Variants in MAP6 observed in about 807,000 individuals in gnomAD.
MAP6 encodes microtubule associated protein 6.
In MAP6, 26 loss-of-function variants were observed where a neutral mutation model predicts 42.4. The ratio of observed to expected loss-of-function variants is 0.61; its 90% CI spans 0.45 to 0.85. MAP6 has a LOEUF of 0.85. MAP6 is among the 40% of genes least tolerant of loss of function. The pLI is 0.00. For synonymous variants in MAP6, 418 were observed against 443.8 expected (o/e 0.94, Z 0.73); for missense variants, 966 against 1,099.0 (o/e 0.88, Z 1.71).
intron 1 of MAP6, among the ~76,000 whole-genome samples, chr11:75,643,230 A>G (rs532323306): frequency 1.8e-4 from 27 of 150,514 alleles, no homozygotes; most frequent in African/African-American, 6.1e-4. Flanking sequence ...ATATATATAT[A>G]TATAAATATA....
At chr11:75,608,428 C>T in intron 1 of MAP6, 106 bp from the exon 2 acceptor site, 1 of 846,484 alleles carries the variant, frequency 1.2e-6, no homozygotes, top group Non-Finnish European at 1.9e-6. Flanking sequence ...GTGCTTGCAG[C>T]ATTGACTGAA....
chr11:75,662,879 T>A (rs977830494), intron 1 of MAP6, among the ~76,000 whole-genome samples: 1 of 152,114 alleles, frequency 6.6e-6, no homozygotes, highest in Non-Finnish European at 1.5e-5. Context: ...TAGGTGAAGG[T>A]CCATGTAGAG....
chr11:75,643,205 TTATG>T (rs1476724535), intron 1 of MAP6, among the ~76,000 whole-genome samples: 72 of 150,806 alleles, frequency 4.8e-4, no homozygotes, highest in African/African-American at 1.7e-3. Flanking sequence ...AAATTTATTA[TTATG>T]TATGTGTTTT....
chr11:75,608,441 G>T, intron 1 of MAP6, 119 bp from the exon 2 acceptor site: 1 of 764,506 alleles, frequency 1.3e-6, no homozygotes, highest in Non-Finnish European at 2.2e-6. Flanking sequence ...TGACTGAAGT[G>T]TGGCTGGAGG....
intron 2 of MAP6, among the ~76,000 whole-genome samples, chr11:75,606,409 C>T (rs929626671): frequency 1.3e-5 from 2 of 152,156 alleles, no homozygotes; most frequent in African/African-American, 2.4e-5. Context: ...CACCTTCAGG[C>T]GGAAAATTTG....
intron 1 of MAP6, among the ~76,000 whole-genome samples, chr11:75,624,435 C>T (rs1943162737): frequency 6.6e-6 from 1 of 152,136 alleles, no homozygotes; most frequent in Non-Finnish European, 1.5e-5. Context: ...ACCATCAGCA[C>T]AGCCCAGTAA....
intron 1 of MAP6, among the ~76,000 whole-genome samples, chr11:75,659,628 A>G (rs973187738): frequency 1.3e-5 from 2 of 152,242 alleles, no homozygotes; most frequent in African/African-American, 4.8e-5. Context: ...TCTCATGGTG[A>G]AACTAGAAGT....
At position 75,646,399 on chromosome 11, in the gene MAP6, C is replaced by T. The variant is rs536319877; in HGVS notation, c.905+21066G>A. Among the ~76,000 whole-genome samples, 9 of 150,060 alleles carry T rather than the reference C, an allele frequency of 6.0e-5. 1 individual carries two copies. The South Asian group carries it at 1.3e-3, about 21-fold the overall frequency. ...ACGGCTGGCTGGGCTTGGTGGTTCA[C>T]GCCTGTAATCCCAGCACTTTGGGAG... is the stretch of plus-strand genomic sequence containing the variant. On this transcript the variant is annotated intron_variant, in intron 1 of 3. Coordinates refer to ENST00000304771, the MANE Select transcript of MAP6 (RefSeq NM_033063.2).
intron 1 of MAP6, among the ~76,000 whole-genome samples, chr11:75,645,996 T>G (rs982223799): frequency 6.7e-6 from 1 of 149,224 alleles, no homozygotes; most frequent in African/African-American, 2.5e-5. Context: ...GGATACTAGA[T>G]GAGAAATTCA....
At chr11:75,642,625 T>C (rs998325061) in intron 1 of MAP6, 1 of 187,202 alleles carries the variant, frequency 5.3e-6, no homozygotes. Flanking sequence ...CATTCATCAT[T>C]GTTTGGAAAC....
intron 3 of MAP6, chr11:75,603,996 CAAAGAGTTGG>C: frequency 2.0e-6 from 2 of 985,804 alleles, no homozygotes; most frequent in Non-Finnish European, 2.4e-6. Flanking sequence ...GATTAGCTGG[CAAAGAGTTGG>C]AATCAGTGCC....
intron 3 of MAP6, chr11:75,604,950 AC>A (rs750435115): frequency 6.4e-5 from 63 of 985,152 alleles, no homozygotes; most frequent in Non-Finnish European, 6.6e-5. Context: ...TTCCAAACAC[AC>A]TATCCCTACA....
chr11:75,614,032 A>G (rs1396279178), intron 1 of MAP6, among the ~76,000 whole-genome samples: 1 of 151,210 alleles, frequency 6.6e-6, no homozygotes, highest in Non-Finnish European at 1.5e-5. Context: ...TCTACCTTCA[A>G]CTCCTCCTTT....
intron 1 of MAP6, among the ~76,000 whole-genome samples, chr11:75,639,584 C>T (rs1943428396): frequency 6.6e-6 from 1 of 152,204 alleles, no homozygotes; most frequent in Non-Finnish European, 1.5e-5. Flanking sequence ...AGACATCTCA[C>T]TCTAAATTCT....
intron 1 of MAP6, among the ~76,000 whole-genome samples, chr11:75,659,018 G>C (rs925485480): frequency 1.3e-5 from 2 of 152,166 alleles, no homozygotes; most frequent in Non-Finnish European, 2.9e-5. Context: ...CCTGAGAGCA[G>C]GGACCACTTT....
intron 1 of MAP6, among the ~76,000 whole-genome samples, chr11:75,622,068 A>C (rs1943121414): frequency 6.6e-6 from 1 of 152,002 alleles, no homozygotes; most frequent in African/African-American, 2.4e-5. Context: ...AAACCCAATA[A>C]AGGCTACTAG....
intron 1 of MAP6, among the ~76,000 whole-genome samples, chr11:75,658,213 T>G (rs1391584952): frequency 6.6e-6 from 1 of 152,200 alleles, no homozygotes; most frequent in South Asian, 2.1e-4. Flanking sequence ...TAAATGTATG[T>G]TTAGCTTGAA....
In MAP6 at chr11:75,608,310, C is replaced by A. The variant is rs1236098100; in HGVS notation, c.918G>T (p.Arg306Ser). ...TCACAGGCTTGATGTCCGTCCATGC[C>A]CTGAATTCATTCCTGTTAGTCAAAG... ...AVSSSYRNEF[R>S]AWTDIKPVKP... Residue 306 changes from arginine (R) to serine (S), a missense_variant, in exon 2 of 4, where the codon AGG (arginine) becomes AGT (serine). This residue lies in a region of MAP6 where 943 missense variants were observed against 1,049.9 expected (regional missense o/e 0.90). Transcript: ENST00000304771. The A allele has an allele frequency of 6.2e-7, 1 of 1,613,942 alleles. No homozygotes were observed. The highest frequency in any genetic ancestry group is 1.3e-5 in the African/African-American group (1 of 74,896).
chr11:75,601,793 C>G (rs565751234), intron 3 of MAP6, among the ~76,000 whole-genome samples: 34 of 151,532 alleles, frequency 2.2e-4, no homozygotes, highest in South Asian at 6.4e-4. Context: ...GAGCTACCCC[C>G]CCAGAACTGA....
Sources: gnomAD v4.1 joint callset for allele counts (sites outside exome capture counted in the v4.1 genomes callset) on GRCh38, gnomAD v4.1.1 for gene constraint, gnomAD v4.1.1 regional missense constraint, MANE v1.5 for transcripts, NCBI Gene and HGNC (gene_info 2026-07-23, HGNC 2026-07-21) for gene names.